PRRC2C: variants seen among roughly 807,000 people sequenced by gnomAD.
PRRC2C encodes the protein protein PRRC2C.
A neutral mutation model predicts 317.2 loss-of-function variants in PRRC2C; 72 were observed. That is an observed-to-expected ratio of 0.23 (90% CI 0.19 to 0.28). The LOEUF (loss-of-function observed/expected upper bound fraction) is 0.28. Ranked by LOEUF, PRRC2C falls within the 10% of genes least tolerant of loss-of-function variation. The pLI is 1.00. For synonymous variants in PRRC2C, 1,296 were observed against 1,205.9 expected, an observed-to-expected ratio of 1.07 and a Z score of -1.55; for missense variants, 3,074 against 3,459.7, an observed-to-expected ratio of 0.89 and a Z score of 2.80.
Position 171,592,139 on chromosome 1 carries a change from A to C in PRRC2C, c.*292A>C. 3.6e-6 allele frequency: 1 copy of C among 278,952 alleles called. No individual in the cohort carries two copies. The highest frequency in any genetic ancestry group is 6.7e-6 in the Non-Finnish European group (1 of 150,018). 17.3% of individuals were successfully genotyped at this position (278,952 alleles called of 1,614,324 possible). ...TGCACCCATTTTTTTGAGTGCATAT[A>C]ATTTAGACCTAAAAATCCTTATGAT... On this transcript the variant is annotated 3_prime_UTR_variant, in exon 35 of 35. Transcript: ENST00000647382.
intron 2 of PRRC2C, 49 bp downstream of exon 2, chr1:171,512,249 C>A: frequency 7.9e-7 from 1 of 1,271,850 alleles, no homozygotes; most frequent in Non-Finnish European, 1.1e-6. Flanking sequence ...TGTTTTGTTA[C>A]TATAAGTGAT....
intron 1 of PRRC2C, among the ~76,000 whole-genome samples, chr1:171,488,576 C>T (rs1401131785): frequency 6.6e-6 from 1 of 152,178 alleles, no homozygotes; most frequent in Non-Finnish European, 1.5e-5. Context: ...GAATCTCCTG[C>T]CTCAGCCTCC....
chr1:171,520,606 C>G (rs576685631), intron 6 of PRRC2C, among the ~76,000 whole-genome samples: 1 of 152,096 alleles, frequency 6.6e-6, no homozygotes, highest in South Asian at 2.1e-4. Context: ...CTGGAATGAC[C>G]AGATGAAGGA....
intron 11 of PRRC2C, among the ~76,000 whole-genome samples, chr1:171,529,993 T>C (rs1675472956): frequency 6.6e-6 from 1 of 152,170 alleles, no homozygotes; most frequent in Non-Finnish European, 1.5e-5. Context: ...TCATAACCAC[T>C]GAAAGCTCTT....
chr1:171,561,313 TGTG>T (rs769404513), intron 20 of PRRC2C, among the ~76,000 whole-genome samples: 15 of 152,068 alleles, frequency 9.9e-5, no homozygotes, highest in Admixed American at 3.9e-4. Context: ...AATAGCCAGT[TGTG>T]GTGGCATGTG....
intron 34 of PRRC2C, 72 bp downstream of exon 34, chr1:171,589,677 C>A: frequency 9.4e-7 from 1 of 1,060,650 alleles, no homozygotes; most frequent in South Asian, 1.3e-5. Context: ...CCTCTGGACC[C>A]ATAACTGTAT....
rs1234305193 is a variant in PRRC2C, at chr1:171,547,646, G to GT, written c.4972+1974dup. On this transcript the variant is annotated intron_variant, in intron 17 of 34. Coordinates refer to ENST00000647382, the MANE Select transcript of PRRC2C (RefSeq NM_001387844.1). ...CAAGTTTCCCTTCTTTTTTTTTTTTGTTTTTTTTTTTTTTTGAGACACAGT... is the reference window on the plus strand; with the variant it reads ...CAAGTTTCCCTTCTTTTTTTTTTTTGTTTTTTTTTTTTTTTTGAGACACAGT... 7.3e-3 allele frequency among the ~76,000 whole-genome samples: 837 copies of GT among 114,974 alleles called. 7 individuals are homozygous for GT. The highest frequency in any genetic ancestry group is 0.017 in the African/African-American group (498 of 29,714). 75.4% of individuals were successfully genotyped at this position (114,974 alleles called of 152,430 possible).
chr1:171,527,924 T>C, intron 11 of PRRC2C, 80 bp downstream of exon 11: 6 of 1,196,870 alleles, frequency 5.0e-6, no homozygotes, highest in Non-Finnish European at 7.2e-6. Flanking sequence ...AATTTTTTAT[T>C]CAAAACTTTT....
At chr1:171,487,126 T>C (rs921291938) in intron 1 of PRRC2C, among the ~76,000 whole-genome samples, 2 of 152,238 alleles carry the variant, frequency 1.3e-5, no homozygotes, top group African/African-American at 4.8e-5. Context: ...CTCCATTAGG[T>C]GACCTTTTGC....
chr1:171,492,138 T>C (rs2102037038), intron 1 of PRRC2C, among the ~76,000 whole-genome samples: 1 of 152,274 alleles, frequency 6.6e-6, no homozygotes, highest in Non-Finnish European at 1.5e-5. Context: ...TTTTAGTACG[T>C]ATGGATTTTT....
chr1:171,536,378 A>C, intron 14 of PRRC2C, 100 bp downstream of exon 14: 2 of 1,318,710 alleles, frequency 1.5e-6, no homozygotes, highest in Non-Finnish European at 2.1e-6. Flanking sequence ...GAAAAACTTA[A>C]ACCTCCGATT....
intron 5 of PRRC2C, 98 bp from the exon 6 acceptor site, chr1:171,517,493 T>C: frequency 9.0e-7 from 1 of 1,109,676 alleles, no homozygotes; most frequent in Non-Finnish European, 1.3e-6. Flanking sequence ...TCTTTCACTC[T>C]GCTTACTTGC....
Position 171,541,247 on chromosome 1 carries a change from C to G in PRRC2C, c.3781C>G (p.Arg1261Gly), listed in dbSNP as rs1291362543. ...SDFEVVPKRR[R>G]QRGSETDTDS... ...TTTTGAAGTTGTCCCCAAAAGAAGA[C>G]GACAGCGGGGTTCAGAGACTGACAC... Residue 1261 changes from arginine to glycine, a missense_variant, in exon 16 of 35, where the codon CGA (arginine) becomes GGA (glycine). Transcript: ENST00000647382. This position sits in a 1 kb window ranked among gnomAD's most constrained non-coding sequence, Gnocchi z 4.1. 6.2e-7 allele frequency: 1 copy of G among 1,613,778 alleles called. No individual in the cohort carries two copies. The highest frequency in any genetic ancestry group is 1.7e-5 in the Admixed American group (1 of 59,970).
At chr1:171,589,694 G>A in intron 34 of PRRC2C, 89 bp downstream of exon 34, 1 of 920,406 alleles carries the variant, frequency 1.1e-6, no homozygotes. Context: ...GTATATCCAG[G>A]CATTCATTGT....
In PRRC2C at chr1:171,541,884, C is replaced by T. The variant is rs1678013960; in HGVS notation, c.4418C>T (p.Thr1473Ile). 3 of 1,613,598 alleles carry T rather than the reference C, an allele frequency of 1.9e-6. No homozygotes were observed. The highest frequency in any genetic ancestry group is 2.2e-5 in the South Asian group (2 of 91,078). The change falls in exon 16 of 35, where the codon ACT (threonine) becomes ATT (isoleucine). Residue 1473 changes from threonine to isoleucine, a missense_variant. By Grantham distance (89) the Thr-to-Ile change is moderately conservative (BLOSUM62 -1). Around this residue, in one of 11 missense-constraint regions of PRRC2C, gnomAD observed 1,320 missense variants for 1,395.7 expected, o/e 0.95. Coordinates refer to ENST00000647382, the MANE Select transcript of PRRC2C (RefSeq NM_001387844.1). The surrounding 1 kb of genome is among the most constrained non-coding windows in gnomAD (Gnocchi z 4.1). ...AATGTGGCTCAAGAACCAGTTAATA[C>T]TCTTGGGGATATTTCCGGGAATAAG... Reference protein sequence around the residue: ...VNNVAQEPVNTLGDISGNKTP... With the variant: ...VNNVAQEPVNILGDISGNKTP...
chr1:171,587,508 C>A (rs565355374), intron 31 of PRRC2C, 140 bp from the exon 32 acceptor site: 23 of 643,446 alleles, frequency 3.6e-5, no homozygotes. Flanking sequence ...TTCCATAATA[C>A]TTGAAGCCTA....
chr1:171,579,522 T>C, intron 27 of PRRC2C, 56 bp downstream of exon 27: 1 of 1,580,068 alleles, frequency 6.3e-7, no homozygotes. Context: ...TCTGTGGTTA[T>C]AATAGTTATC....
At chr1:171,578,511 C>T (rs1185400257) in intron 26 of PRRC2C, among the ~76,000 whole-genome samples, 1 of 151,238 alleles carries the variant, frequency 6.6e-6, no homozygotes, top group Non-Finnish European at 1.5e-5. Context: ...TCCAGCCTGG[C>T]GGAGTGAGGC....
chr1:171,545,362 A>T, intron 16 of PRRC2C, 117 bp from the exon 17 acceptor site: 1 of 814,996 alleles, frequency 1.2e-6, no homozygotes, highest in Non-Finnish European at 1.9e-6. Flanking sequence ...TACAGTTAAG[A>T]GTTTTCTATC....
Sources: allele counts gnomAD v4.1 joint callset (sites outside exome capture counted in the v4.1 genomes callset), GRCh38; gene constraint gnomAD v4.1.1; regional missense constraint gnomAD v4.1.1; non-coding constraint Gnocchi (gnomAD v3.1); transcripts MANE v1.5; gene names NCBI Gene and HGNC (gene_info 2026-07-23, HGNC 2026-07-21).